NR2E1: variants seen among roughly 807,000 people sequenced by gnomAD.
NR2E1 encodes the protein nuclear receptor subfamily 2 group E member 1, also known as nuclear receptor TLX.
Under a neutral mutation model 43.6 loss-of-function variants are expected in NR2E1, and 5 were observed. The ratio of observed to expected loss-of-function variants is 0.11; its 90% CI spans 0.06 to 0.24. NR2E1 has a LOEUF of 0.24. Among genes scored for constraint, NR2E1 ranks in the 10% least tolerant of loss-of-function variants. NR2E1 has a pLI of 1.00. For synonymous variants in NR2E1, 191 were observed against 195.5 expected (o/e 0.98, Z 0.19); for missense variants, 287 against 496.7 (o/e 0.58, Z 4.01).
In NR2E1 at chr6:108,169,508, G is replaced by A. The variant is rs139522935; in HGVS notation, c.26-1950G>A. On this transcript the variant is annotated intron_variant, in intron 1 of 8. Coordinates refer to ENST00000368986, the MANE Select transcript of NR2E1 (RefSeq NM_003269.5). The surrounding 1 kb of genome is among the most constrained non-coding windows in gnomAD (Gnocchi z 6.1). Reference sequence around the variant, plus strand: ...CAGTGCCACAGGGAAGAGGACAGCTGGGGTGACAGTACTGCTGGGCCCCAA... The same window carrying A: ...CAGTGCCACAGGGAAGAGGACAGCTAGGGTGACAGTACTGCTGGGCCCCAA... 2.4e-4 allele frequency among the ~76,000 whole-genome samples: 36 copies of A among 152,326 alleles called. No individual in the cohort carries two copies. In the South Asian group the frequency reaches 7.0e-3, roughly 30 times the overall value.
Position 108,176,629 on chromosome 6 carries a change from C to T in NR2E1, c.386C>T (p.Ala129Val), listed in dbSNP as rs915623475. The T allele has an allele frequency of 1.1e-5, 18 of 1,610,660 alleles. No homozygotes were observed. The highest frequency in any genetic ancestry group is 1.5e-5 in the Non-Finnish European group (18 of 1,179,476). Reference sequence around the variant, plus strand: ...CCCTCGGCGGCGCTCCCTGCGCCGGCCTTCTTCACCGCGGTCACGCAGCTG... The same window carrying T: ...CCCTCGGCGGCGCTCCCTGCGCCGGTCTTCTTCACCGCGGTCACGCAGCTG... ...HFPSAALPAPAFFTAVTQLEP... is the reference protein window; with the variant it reads ...HFPSAALPAPVFFTAVTQLEP... The change falls in exon 4 of 9, where the codon GCC becomes GTC. Residue 129 changes from alanine (A) to valine (V), a missense_variant. This residue lies in a region of NR2E1 where 119 missense variants were observed against 155.7 expected (regional missense o/e 0.76). Transcript: ENST00000368986.
chr6:108,180,990 C>T lies in NR2E1; in HGVS notation c.889+34C>T, dbSNP rs754848632. 13 of 1,613,104 alleles carry T rather than the reference C, an allele frequency of 8.1e-6. No homozygotes were observed. The South Asian group carries it at 1.4e-4, about 18-fold the overall frequency. ...ACACAGACCCCTGTTTCTTCTCCTT[C>T]CCCAGTTTTGCCACCTCACTAATTC... On this transcript the variant is annotated intron_variant, in intron 7 of 8. Transcript: ENST00000368986. This position sits in a 1 kb window ranked among gnomAD's most constrained non-coding sequence, Gnocchi z 5.4.
chr6:108,168,047 G>A (rs753334105), intron 1 of NR2E1: 2 of 1,600,926 alleles, frequency 1.2e-6, no homozygotes, highest in East Asian at 4.5e-5. Flanking sequence ...CTGGGGCAGA[G>A]GGAGCAGAGA....
intron 3 of NR2E1, chr6:108,176,206 G>T (rs1423883985): frequency 2.2e-6 from 1 of 457,298 alleles, no homozygotes; most frequent in South Asian, 3.3e-5. Context: ...CCCTGGTGGG[G>T]AGGAGCCCTG....
At chr6:108,167,178 A>C (rs1190566249) in intron 1 of NR2E1, among the ~76,000 whole-genome samples, 2 of 152,172 alleles carry the variant, frequency 1.3e-5, no homozygotes, top group African/African-American at 4.8e-5. Context: ...TCCAGCGCGC[A>C]AAAGCAACTC....
chr6:108,168,303 GCT>G, intron 1 of NR2E1: 1 of 795,574 alleles, frequency 1.3e-6, no homozygotes, highest in Non-Finnish European at 1.9e-6. Context: ...CTCCTAGCTC[GCT>G]CGCCCCGGGA....
intron 1 of NR2E1, among the ~76,000 whole-genome samples, chr6:108,171,197 G>T (rs1773805797): frequency 6.6e-6 from 1 of 152,174 alleles, no homozygotes; most frequent in Admixed American, 6.5e-5. Flanking sequence ...TTCCAAAATG[G>T]GTCTCGGCGA....
intron 1 of NR2E1, among the ~76,000 whole-genome samples, chr6:108,167,792 C>A (rs573212350): frequency 6.6e-6 from 1 of 151,988 alleles, no homozygotes; most frequent in Admixed American, 6.6e-5. Context: ...GCGCTCTGTG[C>A]GTTCCTTCCC....
chr6:108,184,820 G>GA (rs1449658303), intron 8 of NR2E1, among the ~76,000 whole-genome samples: 1 of 151,970 alleles, frequency 6.6e-6, no homozygotes, highest in African/African-American at 2.4e-5. Context: ...ATTATGTGTG[G>GA]AAAAAACACA....
chr6:108,181,696 C>T (rs578021308), intron 8 of NR2E1, 45 bp downstream of exon 8: 2 of 1,422,720 alleles, frequency 1.4e-6, no homozygotes, highest in South Asian at 1.1e-5. Context: ...AAATTGCCTC[C>T]ATTGTGAATG....
chr6:108,171,981 T>C (rs1355364795), intron 2 of NR2E1, among the ~76,000 whole-genome samples: 4 of 152,144 alleles, frequency 2.6e-5, no homozygotes, highest in Non-Finnish European at 4.4e-5. Flanking sequence ...AGAGCTTTGT[T>C]ATTGTGCCTG....
intron 4 of NR2E1, among the ~76,000 whole-genome samples, chr6:108,177,050 T>A (rs753816976): frequency 2.0e-5 from 3 of 152,158 alleles, no homozygotes; most frequent in Non-Finnish European, 4.4e-5. Flanking sequence ...AAACACCCAC[T>A]GGTAATGGGT....
At chr6:108,181,462 G>T in intron 7 of NR2E1, 84 bp from the exon 8 acceptor site, 1 of 1,153,550 alleles carries the variant, frequency 8.7e-7, no homozygotes. Context: ...CCAAAGTGCT[G>T]GGATTACAGG....
Position 108,178,219 on chromosome 6 carries a change from C to G in NR2E1, c.620C>G (p.Ser207Cys), listed in dbSNP as rs767633628. Residue 207 changes from serine to cysteine, a missense_variant, in exon 5 of 9, where the codon TCC becomes TGC. Coordinates refer to ENST00000368986, the MANE Select transcript of NR2E1 (RefSeq NM_003269.5). The stretch of plus-strand genomic sequence containing the variant: ...TGGGCTAAGAGTGTGCCAGCCTTCT[C>G]CACGCTGTCTTTGCAAGACCAGGTA... ...IKWAKSVPAF[S>C]TLSLQDQLML... 7 of 1,614,090 alleles carry G rather than the reference C, an allele frequency of 4.3e-6. No homozygotes were observed. Among genetic ancestry groups the G allele is most frequent in the Non-Finnish European group, 5.9e-6 (7 of 1,179,988 alleles).
At chr6:108,182,647 C>T (rs1363588812) in intron 8 of NR2E1, among the ~76,000 whole-genome samples, 5 of 151,414 alleles carry the variant, frequency 3.3e-5, no homozygotes, top group Non-Finnish European at 7.4e-5. Flanking sequence ...CAACCTTCGC[C>T]TTCCGGGTTC....
intron 8 of NR2E1, among the ~76,000 whole-genome samples, chr6:108,182,262 A>AG (rs1774004307): frequency 6.7e-6 from 1 of 148,610 alleles, no homozygotes; most frequent in Admixed American, 6.7e-5. Flanking sequence ...AAAAAAAAAA[A>AG]GAAGCTCAAA....
At position 108,174,936 on chromosome 6, in the gene NR2E1, T is replaced by C. The variant is rs2114674844; in HGVS notation, c.259+13T>C. 6.2e-7 allele frequency: 1 copy of C among 1,609,498 alleles called. No individual in the cohort carries two copies. The highest frequency in any genetic ancestry group is 8.5e-7 in the Non-Finnish European group (1 of 1,175,806). On this transcript the variant is annotated intron_variant, in intron 3 of 8. Transcript: ENST00000368986. The stretch of plus-strand genomic sequence containing the variant: ...ATGAACAAAGACGGTAATCAGTGCA[T>C]CCCTTTATTCCAATGTTGATTGAGT...
At chr6:108,177,528 A>G (rs1773919763) in intron 4 of NR2E1, among the ~76,000 whole-genome samples, 1 of 152,252 alleles carries the variant, frequency 6.6e-6, no homozygotes, top group African/African-American at 2.4e-5. Context: ...GCACATGCAC[A>G]CGCACAATAT....
intron 4 of NR2E1, among the ~76,000 whole-genome samples, chr6:108,177,530 G>A (rs184732659): frequency 4.6e-5 from 7 of 152,320 alleles, no homozygotes; most frequent in East Asian, 1.9e-4. Flanking sequence ...ACATGCACAC[G>A]CACAATATTT....
Sources: gnomAD v4.1 joint callset for allele counts (sites outside exome capture counted in the v4.1 genomes callset) on GRCh38, gnomAD v4.1.1 for gene constraint, gnomAD v4.1.1 regional missense constraint, Gnocchi (gnomAD v3.1) non-coding constraint, MANE v1.5 for transcripts, NCBI Gene and HGNC (gene_info 2026-07-23, HGNC 2026-07-21) for gene names.